MFN1: variants seen among roughly 807,000 people sequenced by gnomAD.
The protein encoded by MFN1 is mitofusin-1.
A neutral mutation model predicts 92.4 loss-of-function variants in MFN1; 65 were observed. The ratio of observed to expected loss-of-function variants is 0.70; its 90% CI spans 0.58 to 0.86. MFN1 has a LOEUF of 0.86. Ranked by LOEUF, MFN1 falls within the 40% of genes least tolerant of loss-of-function variation. MFN1 has a pLI of 0.00. For synonymous variants in MFN1, 297 were observed against 300.9 expected, an observed-to-expected ratio of 0.99 and a Z score of 0.13; for missense variants, 781 against 868.0, an observed-to-expected ratio of 0.90 and a Z score of 1.26.
chr3:179,351,705 T>C (rs111323361), intron 2 of MFN1, among the ~76,000 whole-genome samples, 195 bp from the exon 3 acceptor site: 7 of 152,338 alleles, frequency 4.6e-5, no homozygotes, highest in African/African-American at 1.4e-4. Flanking sequence ...TTGCAACTTT[T>C]AATATTCTTG....
In MFN1 at chr3:179,378,720, G is replaced by C. The variant is rs7637065; in HGVS notation, c.1568G>C (p.Arg523Pro). The change falls in exon 14 of 18, where the codon CGT becomes CCT. Residue 523 changes from arginine to proline, a missense_variant. By Grantham distance (103) the Arg-to-Pro change is moderately radical. Transcript: ENST00000471841. ...GATTTTCAAGAGGATATTGTATTTC[G>C]TTTTTCCCTGGGCTGGTCTTCCCTT... ...CSDFQEDIVF[R>P]FSLGWSSLVH... The C allele has an allele frequency of 1.9e-6, 3 of 1,613,810 alleles. No homozygotes were observed. Among genetic ancestry groups the C allele is most frequent in the Non-Finnish European group, 2.5e-6 (3 of 1,179,880 alleles).
chr3:179,352,823 C>T (rs1384773173), intron 3 of MFN1, among the ~76,000 whole-genome samples: 2 of 152,136 alleles, frequency 1.3e-5, no homozygotes, highest in African/African-American at 4.8e-5. Flanking sequence ...ACAATCTCGG[C>T]TCGCTGCAAC....
intron 17 of MFN1, among the ~76,000 whole-genome samples, chr3:179,390,661 G>A (rs758289470): frequency 2.0e-5 from 3 of 152,194 alleles, no homozygotes; most frequent in South Asian, 2.1e-4. Context: ...GTCACCATTC[G>A]GTCTGTAGTT....
At chr3:179,365,291 C>T (rs60284816) in intron 7 of MFN1, 66 bp downstream of exon 7, 163,918 of 909,302 alleles carry the variant, frequency 0.18, 15,003 homozygotes, top group Admixed American at 0.25. Context: ...TTTGAGAAAA[C>T]AATATTGCTT....
chr3:179,383,835 A>G (rs1022538498), intron 14 of MFN1, among the ~76,000 whole-genome samples: 50 of 152,236 alleles, frequency 3.3e-4, no homozygotes, highest in Non-Finnish European at 4.0e-4. Context: ...TCGAAATAAA[A>G]GAGAATACAA....
intron 5 of MFN1, among the ~76,000 whole-genome samples, chr3:179,363,944 G>C (rs1214449810): frequency 6.6e-6 from 1 of 151,852 alleles, no homozygotes; most frequent in Admixed American, 6.6e-5. Context: ...CTTCACTGCA[G>C]CTCCTAGTAC....
At chr3:179,388,029 G>T (rs918148479) in intron 16 of MFN1, among the ~76,000 whole-genome samples, 2 of 151,564 alleles carry the variant, frequency 1.3e-5, no homozygotes, top group African/African-American at 4.8e-5. Flanking sequence ...TCCATGCCCA[G>T]CCCCTTGCCC....
intron 3 of MFN1, among the ~76,000 whole-genome samples, chr3:179,356,793 A>C (rs1386820197): frequency 6.6e-6 from 1 of 152,126 alleles, no homozygotes; most frequent in African/African-American, 2.4e-5. Flanking sequence ...GATGATTCTT[A>C]TATGGGGTGG....
chr3:179,391,886 T>C (rs1713914924), intron 17 of MFN1, 95 bp from the exon 18 acceptor site: 2 of 743,716 alleles, frequency 2.7e-6, no homozygotes, highest in South Asian at 1.7e-5. Flanking sequence ...CTTCATTGTT[T>C]ATTATTAAAG....
chr3:179,354,887 C>T (rs1056375246), intron 3 of MFN1, among the ~76,000 whole-genome samples: 6 of 152,092 alleles, frequency 3.9e-5, no homozygotes, highest in Admixed American at 1.3e-4. Context: ...CTCTGCCTCC[C>T]GGCTTCAAGC....
intron 9 of MFN1, among the ~76,000 whole-genome samples, chr3:179,372,785 G>A (rs1264929090): frequency 1.3e-5 from 2 of 152,022 alleles, no homozygotes; most frequent in African/African-American, 4.8e-5. Context: ...CTGCTTCATC[G>A]AGGAATATAG....
rs537406573 is a variant in MFN1 at position 179,354,999 on chromosome 3, G to C, written c.248+2964G>C. On this transcript the variant is annotated intron_variant, in intron 3 of 17. Transcript: ENST00000471841. ...ATTTGTAGAGATGGGATTTCACCATGTTGGCCAGCCTGGTCTCGAACTCCT... is the reference window on the plus strand; with the variant it reads ...ATTTGTAGAGATGGGATTTCACCATCTTGGCCAGCCTGGTCTCGAACTCCT... Among the ~76,000 whole-genome samples, 450 of 152,158 alleles carry C rather than the reference G, an allele frequency of 3.0e-3. 5 individuals carry two copies. The highest frequency in any genetic ancestry group is 0.011 in the African/African-American group (442 of 41,518).
chr3:179,364,985 T>C (rs1020606333), intron 6 of MFN1, 133 bp from the exon 7 acceptor site: 9 of 467,032 alleles, frequency 1.9e-5, no homozygotes, highest in African/African-American at 1.8e-4. Context: ...TTAATGCTCA[T>C]AGAGTGCTTT....
chr3:179,358,253 C>T (rs1216902046), intron 3 of MFN1, among the ~76,000 whole-genome samples: 2 of 149,696 alleles, frequency 1.3e-5, no homozygotes, highest in Non-Finnish European at 3.0e-5. Context: ...TGGGTGCAAG[C>T]GATTCTTCTG....
At chr3:179,378,838 T>C in intron 14 of MFN1, 24 bp downstream of exon 14, 1 of 1,504,064 alleles carries the variant, frequency 6.6e-7, no homozygotes, top group Non-Finnish European at 9.2e-7. Flanking sequence ...AATCTACCAA[T>C]TAAGACTCTC....
chr3:179,386,344 A>G (rs531754993), intron 15 of MFN1, 89 bp from the exon 16 acceptor site: 27 of 1,018,120 alleles, frequency 2.7e-5, no homozygotes, highest in South Asian at 2.1e-4. Context: ...ATCTAACTCA[A>G]AGATCCATAG....
intron 14 of MFN1, among the ~76,000 whole-genome samples, chr3:179,383,165 T>C (rs1226288212): frequency 2.6e-5 from 4 of 152,208 alleles, no homozygotes; most frequent in African/African-American, 9.7e-5. Context: ...CTGAATGATA[T>C]TGCCTAGGTT....
chr3:179,352,131 C>G, intron 3 of MFN1, 96 bp downstream of exon 3: 1 of 1,300,268 alleles, frequency 7.7e-7, no homozygotes, highest in Non-Finnish European at 1.0e-6. Context: ...TCCCCCAGCC[C>G]CGCAAGTTTC....
At chr3:179,386,713 T>C in intron 16 of MFN1, 84 bp downstream of exon 16, 3 of 1,225,718 alleles carry the variant, frequency 2.4e-6, no homozygotes, top group South Asian at 1.5e-5. Context: ...ATAAGTGTAT[T>C]GCTCAAAGAA....
Sources: gnomAD v4.1 joint callset for allele counts (sites outside exome capture counted in the v4.1 genomes callset) on GRCh38, gnomAD v4.1.1 for gene constraint, MANE v1.5 for transcripts, NCBI Gene and HGNC (gene_info 2026-07-23, HGNC 2026-07-21) for gene names.